CNTN5: variants seen among roughly 807,000 people sequenced by gnomAD.
CNTN5 encodes the protein contactin-5.
CNTN5 carries 77 observed loss-of-function variants against 129.1 expected under a neutral mutation model. The observed-to-expected ratio is 0.60, with a 90% CI of 0.50 to 0.72. The LOEUF is 0.72. CNTN5 is among the 30% of genes least tolerant of loss of function. The pLI, the probability that CNTN5 is intolerant of heterozygous loss-of-function variation, is 0.00. For missense variants in CNTN5, 1,478 were observed against 1,328.8 expected (o/e 1.11, Z -1.75); for synonymous variants, 509 against 465.6 (o/e 1.09, Z -1.20).
rs112102645 is a variant in CNTN5 at position 99,790,592 on chromosome 11, C to T, written c.56-28952C>T. On this transcript the variant is annotated intron_variant, in intron 3 of 24. Transcript: ENST00000524871. ...TACCATTCATGGGAATTTAGGTTGA[C>T]TCCGTGTCTTTAATATTGTGAATAT... is the stretch of plus-strand genomic sequence containing the variant. 2.0e-3 allele frequency among the ~76,000 whole-genome samples: 304 copies of T among 152,176 alleles called. 1 individual carries two copies. The highest frequency in any genetic ancestry group is 7.1e-3 in the African/African-American group (297 of 41,544).
At chr11:99,799,658 G>A (rs563271017) in intron 3 of CNTN5, among the ~76,000 whole-genome samples, 1 of 152,190 alleles carries the variant, frequency 6.6e-6, no homozygotes, top group South Asian at 2.1e-4. Flanking sequence ...GTGTTTTGTT[G>A]AGGATTTTTG....
chr11:99,642,475 GTCA>G (rs1412343427), intron 3 of CNTN5, among the ~76,000 whole-genome samples: 1 of 151,906 alleles, frequency 6.6e-6, no homozygotes, highest in Non-Finnish European at 1.5e-5. Flanking sequence ...TTTGTATTTT[GTCA>G]TTAGTTGACA....
chr11:100,232,941 T>C (rs917285533), intron 16 of CNTN5, among the ~76,000 whole-genome samples: 2 of 152,162 alleles, frequency 1.3e-5, no homozygotes, highest in African/African-American at 4.8e-5. Flanking sequence ...TTATTTAGCA[T>C]ATCACATAAA....
chr11:99,247,035 GA>G (rs1322675728), intron 1 of CNTN5, among the ~76,000 whole-genome samples: 1 of 152,094 alleles, frequency 6.6e-6, no homozygotes, highest in Non-Finnish European at 1.5e-5. Flanking sequence ...GTGAACGTCA[GA>G]AAGTCAAAAT....
At chr11:99,293,063 G>A (rs1864236971) in intron 1 of CNTN5, among the ~76,000 whole-genome samples, 1 of 152,064 alleles carries the variant, frequency 6.6e-6, no homozygotes, top group Admixed American at 6.6e-5. Context: ...TTAACTGTGG[G>A]TTTGTCATAT....
At chr11:100,212,272 T>C (rs1401005336) in intron 15 of CNTN5, among the ~76,000 whole-genome samples, 1 of 152,166 alleles carries the variant, frequency 6.6e-6, no homozygotes, top group Non-Finnish European at 1.5e-5. Context: ...AGATCCATAA[T>C]AATCCATAAT....
chr11:99,090,181 T>C (rs1264323158), intron 1 of CNTN5, among the ~76,000 whole-genome samples: 3 of 152,210 alleles, frequency 2.0e-5, no homozygotes, highest in Non-Finnish European at 4.4e-5. Flanking sequence ...CTGAATATTA[T>C]GTAAAAAGAG....
intron 3 of CNTN5, among the ~76,000 whole-genome samples, chr11:99,606,101 A>G (rs1266029143): frequency 1.2e-4 from 4 of 34,502 alleles, no homozygotes; most frequent in Non-Finnish European, 1.7e-4. Flanking sequence ...GGCCAGGGCA[A>G]TCAGGCAGGA....
chr11:99,876,221 T>A (rs2135834509), intron 6 of CNTN5, among the ~76,000 whole-genome samples: 1 of 152,306 alleles, frequency 6.6e-6, no homozygotes, highest in East Asian at 1.9e-4. Flanking sequence ...TATGGATGGT[T>A]GTTCAGGACC....
chr11:99,798,071 G>C (rs180963042), intron 3 of CNTN5, among the ~76,000 whole-genome samples: 2 of 152,154 alleles, frequency 1.3e-5, no homozygotes, highest in African/African-American at 2.4e-5. Context: ...ATTAAGCTTA[G>C]TACACATTAG....
intron 15 of CNTN5, among the ~76,000 whole-genome samples, chr11:100,211,057 C>T (rs1033128129): frequency 6.6e-6 from 1 of 152,154 alleles, no homozygotes; most frequent in African/African-American, 2.4e-5. Flanking sequence ...CGAATCAAAC[C>T]TTTAAGATCC....
intron 1 of CNTN5, among the ~76,000 whole-genome samples, chr11:99,131,822 C>T (rs569870525): frequency 1.2e-4 from 19 of 152,096 alleles, no homozygotes; most frequent in Non-Finnish European, 2.4e-4. Flanking sequence ...ACGAGAGGTA[C>T]AAAGAGGAGC....
At chr11:99,907,474 A>C (rs17680055) in intron 6 of CNTN5, among the ~76,000 whole-genome samples, 2 of 151,692 alleles carry the variant, frequency 1.3e-5, no homozygotes, top group African/African-American at 2.4e-5. Flanking sequence ...CCAGTTGCCT[A>C]TTATTTTCCA....
chr11:99,889,374 C>T, intron 6 of CNTN5, among the ~76,000 whole-genome samples: 2 of 139,200 alleles, frequency 1.4e-5, no homozygotes, highest in Admixed American at 1.5e-4. Context: ...ATCTCTCCAT[C>T]ATATATATGA....
chr11:99,404,180 C>T (rs1338103949), intron 2 of CNTN5, among the ~76,000 whole-genome samples: 1 of 150,970 alleles, frequency 6.6e-6, no homozygotes, highest in Non-Finnish European at 1.5e-5. Context: ...GCTGTTTCTG[C>T]TTTTTTTTGG....
chr11:99,651,291 T>C (rs978007024), intron 3 of CNTN5, among the ~76,000 whole-genome samples: 1 of 151,918 alleles, frequency 6.6e-6, no homozygotes, highest in African/African-American at 2.4e-5. Flanking sequence ...TTCTATTAAA[T>C]GTTTATTGCA....
chr11:99,965,138 G>C (rs184641457), intron 8 of CNTN5, among the ~76,000 whole-genome samples: 35 of 152,134 alleles, frequency 2.3e-4, no homozygotes, highest in African/African-American at 7.0e-4. Flanking sequence ...TTTTTTGAAC[G>C]GTTTTTTGTG....
chr11:99,182,070 A>G (rs1858105879), intron 1 of CNTN5, among the ~76,000 whole-genome samples: 1 of 152,180 alleles, frequency 6.6e-6, no homozygotes, highest in East Asian at 1.9e-4. Context: ...GTTTGCAGTT[A>G]TGGTGGGAAT....
At chr11:99,087,051 T>C (rs1410384086) in intron 1 of CNTN5, among the ~76,000 whole-genome samples, 1 of 152,194 alleles carries the variant, frequency 6.6e-6, no homozygotes, top group Non-Finnish European at 1.5e-5. Context: ...GTCCACTGAA[T>C]CTGGCTGTGG....
Sources: allele counts gnomAD v4.1 joint callset (sites outside exome capture counted in the v4.1 genomes callset), GRCh38; gene constraint gnomAD v4.1.1; transcripts MANE v1.5; gene names NCBI Gene and HGNC (gene_info 2026-07-23, HGNC 2026-07-21).